Variants in CSMD1 observed in about 807,000 individuals in gnomAD.
The protein encoded by CSMD1 is CUB and sushi domain-containing protein 1.
In CSMD1, 213 loss-of-function variants were observed where a neutral mutation model predicts 417.5. The observed-to-expected ratio is 0.51, with a 90% CI of 0.46 to 0.57. CSMD1 has a LOEUF of 0.57. CSMD1 is among the 20% of genes least tolerant of loss of function. The pLI is 0.00. For synonymous variants in CSMD1, 2,862 were observed against 1,736.8 expected (o/e 1.65, Z -16.11); for missense variants, 6,923 against 4,529.7 (o/e 1.53, Z -15.17).
intron 3 of CSMD1, among the ~76,000 whole-genome samples, chr8:4,226,059 G>C (rs960374981): frequency 2.4e-5 from 3 of 124,726 alleles, no homozygotes; most frequent in Non-Finnish European, 3.3e-5. Context: ...GGTTAGAGCT[G>C]ACAGGCGGAC....
chr8:4,207,396 T>C (rs1404821375), intron 3 of CSMD1, among the ~76,000 whole-genome samples: 1 of 152,158 alleles, frequency 6.6e-6, no homozygotes, highest in African/African-American at 2.4e-5. Context: ...ATGGAAGATT[T>C]TAATAAGCAA....
intron 3 of CSMD1, among the ~76,000 whole-genome samples, chr8:4,092,291 C>T (rs575800615): frequency 9.4e-4 from 143 of 152,216 alleles, no homozygotes; most frequent in Non-Finnish European, 1.7e-3. Flanking sequence ...ATGGGAAACC[C>T]GAGGGCAACA....
At chr8:3,347,538 C>G (rs557847683) in intron 22 of CSMD1, among the ~76,000 whole-genome samples, 1 of 152,294 alleles carries the variant, frequency 6.6e-6, no homozygotes, top group African/African-American at 2.4e-5. Context: ...CACAGTATGA[C>G]CACATTTAAA....
intron 8 of CSMD1, among the ~76,000 whole-genome samples, chr8:3,605,417 A>G (rs1051606554): frequency 6.6e-6 from 1 of 152,234 alleles, no homozygotes; most frequent in African/African-American, 2.4e-5. Context: ...GTTGACCTAC[A>G]ATGGAGAAAT....
intron 5 of CSMD1, among the ~76,000 whole-genome samples, chr8:3,859,663 C>A (rs565145317): frequency 1.4e-4 from 21 of 152,062 alleles, no homozygotes; most frequent in Non-Finnish European, 2.2e-4. Context: ...TGAGTTCAAC[C>A]ATATGGGCAA....
chr8:3,473,332 G>A (rs1421693298), intron 11 of CSMD1, among the ~76,000 whole-genome samples: 1 of 152,098 alleles, frequency 6.6e-6, no homozygotes, highest in African/African-American at 2.4e-5. Context: ...AGCCTGCTAT[G>A]TGACAGTTAT....
intron 3 of CSMD1, among the ~76,000 whole-genome samples, chr8:4,039,778 T>G (rs1182178043): frequency 6.6e-6 from 1 of 152,198 alleles, no homozygotes; most frequent in Non-Finnish European, 1.5e-5. Flanking sequence ...GGCAAGCATT[T>G]ATAGAAAAGT....
intron 7 of CSMD1, among the ~76,000 whole-genome samples, chr8:3,622,994 T>A (rs1271287004): frequency 6.6e-6 from 1 of 152,178 alleles, no homozygotes; most frequent in Admixed American, 6.5e-5. Flanking sequence ...ACACATGACA[T>A]AGATAGTAAT....
At chr8:3,467,435 A>G (rs1480683656) in intron 12 of CSMD1, among the ~76,000 whole-genome samples, 2 of 152,236 alleles carry the variant, frequency 1.3e-5, no homozygotes, top group African/African-American at 2.4e-5. Context: ...ACAGTCACAT[A>G]AAAGTTCAAT....
At chr8:3,344,428 C>A (rs1585029400) in intron 22 of CSMD1, among the ~76,000 whole-genome samples, 1 of 152,206 alleles carries the variant, frequency 6.6e-6, no homozygotes, top group African/African-American at 2.4e-5. Flanking sequence ...GCCTGCACTT[C>A]CTGCACACGT....
chr8:3,058,441 C>T (rs561047457), intron 49 of CSMD1, among the ~76,000 whole-genome samples: 2 of 152,172 alleles, frequency 1.3e-5, no homozygotes, highest in African/African-American at 4.8e-5. Flanking sequence ...TTTCTTGATA[C>T]ACGAAAACAA....
chr8:3,440,513 C>G (rs1467289829), intron 12 of CSMD1, among the ~76,000 whole-genome samples: 1 of 152,122 alleles, frequency 6.6e-6, no homozygotes, highest in Non-Finnish European at 1.5e-5. Flanking sequence ...TGTGAAGTCA[C>G]CAAACTGGGT....
chr8:4,853,830 C>G (rs576893053), intron 1 of CSMD1, among the ~76,000 whole-genome samples: 1 of 152,298 alleles, frequency 6.6e-6, no homozygotes, highest in African/African-American at 2.4e-5. Flanking sequence ...GCCTTGGGAG[C>G]CCACTCCTTG....
chr8:3,735,281 A>T (rs1288725849), intron 6 of CSMD1, among the ~76,000 whole-genome samples: 1 of 150,618 alleles, frequency 6.6e-6, no homozygotes, highest in Non-Finnish European at 1.5e-5. Flanking sequence ...AACTTGGCTT[A>T]TACATCATAT....
In CSMD1 at chr8:4,312,449, A is replaced by ATGTATATATATG. The variant is rs1491336182; in HGVS notation, c.415+107503_415+107504insCATATATATACA. Among the ~76,000 whole-genome samples the ATGTATATATATG allele has an allele frequency of 2.2e-3, 251 of 114,174 alleles. 19 individuals are homozygous for ATGTATATATATG. Among genetic ancestry groups the ATGTATATATATG allele is most frequent in the Non-Finnish European group, 3.7e-3 (220 of 59,950 alleles). 74.9% of individuals were successfully genotyped at this position (114,174 alleles called of 152,430 possible). A position where few individuals can be genotyped will look rare whatever the true frequency, so the allele number is the denominator to read the frequency against. ...CGTATATATATATGCGTATATATAT[A>ATGTATATATATG]CGTATATATATGCGCGTATATATAT... On this transcript the variant is annotated intron_variant, in intron 3 of 69. Transcript: ENST00000635120.
At chr8:3,494,503 G>A (rs1297529357) in intron 10 of CSMD1, among the ~76,000 whole-genome samples, 2 of 152,122 alleles carry the variant, frequency 1.3e-5, no homozygotes, top group Admixed American at 6.5e-5. Flanking sequence ...ATGATAGATA[G>A]ATGATAGATT....
rs549529264 is a variant in CSMD1, at chr8:4,288,571, C to T, written c.415+131382G>A. ...ACTTGTCCTTCTAAGTGAATGGATGCAAGTTCAGCTCTACGCATGCAGCTG... is the reference window on the plus strand; with the variant it reads ...ACTTGTCCTTCTAAGTGAATGGATGTAAGTTCAGCTCTACGCATGCAGCTG... On this transcript the variant is annotated intron_variant, in intron 3 of 69. Transcript: ENST00000635120. Among the ~76,000 whole-genome samples, 6 of 152,294 alleles carry T rather than the reference C, an allele frequency of 3.9e-5. No homozygotes were observed. In the South Asian group the frequency reaches 8.3e-4, roughly 21 times the overall value.
At chr8:3,688,869 C>A (rs1229889925) in intron 7 of CSMD1, among the ~76,000 whole-genome samples, 4 of 151,834 alleles carry the variant, frequency 2.6e-5, no homozygotes, top group Admixed American at 6.6e-5. Flanking sequence ...ATAGAGAGAT[C>A]AGAAATAGAC....
At chr8:3,807,257 T>G (rs903730928) in intron 5 of CSMD1, among the ~76,000 whole-genome samples, 2 of 152,180 alleles carry the variant, frequency 1.3e-5, no homozygotes, top group Non-Finnish European at 2.9e-5. Context: ...TTTCCATTCT[T>G]TGATCAACAG....
Sources: gnomAD v4.1 joint callset for allele counts (sites outside exome capture counted in the v4.1 genomes callset) on GRCh38, gnomAD v4.1.1 for gene constraint, MANE v1.5 for transcripts, NCBI Gene and HGNC (gene_info 2026-07-23, HGNC 2026-07-21) for gene names.